EPHA5: variants seen among roughly 807,000 people sequenced by gnomAD.
EPHA5 encodes the protein ephrin type-A receptor 5.
EPHA5 carries 60 observed loss-of-function variants against 105.0 expected under a neutral mutation model. That is an observed-to-expected ratio of 0.57 (90% CI 0.46 to 0.71). The LOEUF is 0.71. Among genes scored for constraint, EPHA5 ranks in the 30% least tolerant of loss-of-function variants. EPHA5 has a pLI of 0.00. For synonymous variants in EPHA5, 513 were observed against 449.1 expected (o/e 1.14, Z -1.80); for missense variants, 1,218 against 1,274.7 (o/e 0.96, Z 0.68).
intron 2 of EPHA5, among the ~76,000 whole-genome samples, chr4:65,621,674 T>C (rs1415922290): frequency 1.3e-5 from 2 of 152,130 alleles, no homozygotes; most frequent in Non-Finnish European, 2.9e-5. Context: ...ATCAGAAATA[T>C]AGTCAGGTGC....
chr4:65,648,074 ATTCACT>A (rs1042099611), intron 1 of EPHA5, among the ~76,000 whole-genome samples: 24 of 152,306 alleles, frequency 1.6e-4, no homozygotes, highest in African/African-American at 5.8e-4. Context: ...CTTTTAGAAA[ATTCACT>A]TTCAGAAAAA....
In EPHA5 at chr4:65,574,725, TATATACATATATATATAC is replaced by T. The variant is rs1325780975; in HGVS notation, c.910+26898_910+26915del. 2.5e-3 allele frequency among the ~76,000 whole-genome samples: 266 copies of T among 105,546 alleles called. 3 individuals are homozygous for T. The highest frequency in any genetic ancestry group is 1.0e-2 in the African/African-American group (250 of 25,070). The allele number at this position is 105,546 out of a possible 152,430, so 69.2% of individuals were successfully genotyped here. ...ATATATATACATATATATATACATA[TATATACATATATATATAC>T]ATATATATATATATACACAGTAATT... On this transcript the variant is annotated intron_variant, in intron 3 of 16. Coordinates refer to ENST00000613740, the MANE Select transcript of EPHA5 (RefSeq NM_001281766.3).
intron 3 of EPHA5, among the ~76,000 whole-genome samples, chr4:65,546,933 A>G (rs1180472138): frequency 6.6e-6 from 1 of 152,038 alleles, no homozygotes; most frequent in Non-Finnish European, 1.5e-5. Context: ...TACGCGTAAT[A>G]CATTCATTGA....
At chr4:65,642,766 T>C (rs1221969330) in intron 2 of EPHA5, among the ~76,000 whole-genome samples, 1 of 152,028 alleles carries the variant, frequency 6.6e-6, no homozygotes, top group Admixed American at 6.6e-5. Flanking sequence ...ACTCTAAAAT[T>C]AACCTTTGAT....
intron 5 of EPHA5, among the ~76,000 whole-genome samples, chr4:65,461,639 A>C (rs1032198004): frequency 4.6e-5 from 7 of 152,062 alleles, no homozygotes; most frequent in South Asian, 2.1e-4. Context: ...TAATCAAGCT[A>C]TCTAGCTTAT....
chr4:65,460,058 A>G (rs970230836), intron 5 of EPHA5, among the ~76,000 whole-genome samples: 4 of 151,712 alleles, frequency 2.6e-5, no homozygotes, highest in South Asian at 2.1e-4. Flanking sequence ...CTGGAAAATA[A>G]TGCATTCTTG....
chr4:65,414,554 A>C lies in EPHA5; in HGVS notation c.1528-111T>G, dbSNP rs115887828. On this transcript the variant is annotated intron_variant, in intron 6 of 16. Transcript: ENST00000613740. ...GAATCAGAAACCAAAGGACTCTATT[A>C]GTACAAATATAACATTTTAGAAAAA... The C allele has an allele frequency of 5.1e-4, 578 of 1,143,836 alleles. 2 individuals carry two copies. In the African/African-American group the frequency reaches 8.4e-3, roughly 17 times the overall value. 70.9% of individuals were successfully genotyped at this position (1,143,836 alleles called of 1,614,324 possible).
intron 3 of EPHA5, among the ~76,000 whole-genome samples, chr4:65,514,791 A>C (rs1733945877): frequency 6.6e-6 from 1 of 151,600 alleles, no homozygotes; most frequent in Admixed American, 6.6e-5. Flanking sequence ...GCTCCCCTTC[A>C]CTCCTCTAAT....
intron 3 of EPHA5, among the ~76,000 whole-genome samples, chr4:65,538,949 G>A (rs1471351974): frequency 6.6e-6 from 1 of 151,660 alleles, no homozygotes; most frequent in East Asian, 1.9e-4. Flanking sequence ...ATCTCTTTAT[G>A]ATATCACGAA....
chr4:65,622,079 T>G (rs1335692885), intron 2 of EPHA5, among the ~76,000 whole-genome samples: 1 of 152,140 alleles, frequency 6.6e-6, no homozygotes, highest in Non-Finnish European at 1.5e-5. Flanking sequence ...AATTATTTAG[T>G]CAGGCCCAAC....
intron 2 of EPHA5, among the ~76,000 whole-genome samples, chr4:65,607,461 A>C (rs574336318): frequency 8.2e-4 from 107 of 130,076 alleles, no homozygotes; most frequent in African/African-American, 2.5e-3. Flanking sequence ...TCTACCCCCC[A>C]AAAAATACAA....
intron 8 of EPHA5, among the ~76,000 whole-genome samples, chr4:65,390,921 C>T (rs552463662): frequency 2.2e-4 from 33 of 152,056 alleles, no homozygotes; most frequent in Non-Finnish European, 4.1e-4. Context: ...TGTTTTCATA[C>T]TGCTATAAAG....
chr4:65,534,477 T>G (rs1736108857), intron 3 of EPHA5, among the ~76,000 whole-genome samples: 1 of 152,086 alleles, frequency 6.6e-6, no homozygotes, highest in Non-Finnish European at 1.5e-5. Flanking sequence ...TAAAGAGATA[T>G]CCTTTTACCT....
chr4:65,325,652 T>C (rs1720008021), intron 16 of EPHA5, among the ~76,000 whole-genome samples: 1 of 151,202 alleles, frequency 6.6e-6, no homozygotes, highest in South Asian at 2.1e-4. Context: ...AAAATTAGCT[T>C]TGAAACAAAA....
chr4:65,525,517 TAC>T (rs1374109193), intron 3 of EPHA5, among the ~76,000 whole-genome samples: 1 of 151,828 alleles, frequency 6.6e-6, no homozygotes, highest in African/African-American at 2.4e-5. Flanking sequence ...ATTGTACAGA[TAC>T]ACATCTGCGG....
chr4:65,526,415 G>T (rs1320361668), intron 3 of EPHA5, among the ~76,000 whole-genome samples: 2 of 151,462 alleles, frequency 1.3e-5, no homozygotes, highest in Admixed American at 6.6e-5. Flanking sequence ...TATATAAAAG[G>T]CTATATATTA....
chr4:65,404,863 G>A (rs895665269), intron 7 of EPHA5, among the ~76,000 whole-genome samples: 1 of 152,100 alleles, frequency 6.6e-6, no homozygotes, highest in African/African-American at 2.4e-5. Context: ...CATTTTTAGA[G>A]TTTGTATTCT....
intron 5 of EPHA5, among the ~76,000 whole-genome samples, chr4:65,465,026 G>A (rs930540661): frequency 2.0e-5 from 3 of 152,132 alleles, no homozygotes; most frequent in Non-Finnish European, 4.4e-5. Flanking sequence ...AGTTATGTAA[G>A]AGTGATGAAA....
chr4:65,367,929 A>G (rs572715123), intron 8 of EPHA5, among the ~76,000 whole-genome samples: 3 of 152,108 alleles, frequency 2.0e-5, no homozygotes, highest in South Asian at 4.1e-4. Context: ...CCAGAAAACT[A>G]TGAAATTCAC....
Sources: allele counts gnomAD v4.1 joint callset (sites outside exome capture counted in the v4.1 genomes callset), GRCh38; gene constraint gnomAD v4.1.1; transcripts MANE v1.5; gene names NCBI Gene and HGNC (gene_info 2026-07-23, HGNC 2026-07-21).